ATP2B2: variants seen among roughly 807,000 people sequenced by gnomAD.
ATP2B2 encodes ATPase plasma membrane Ca2+ transporting 2, also known as plasma membrane calcium-transporting ATPase 2.
A neutral mutation model predicts 120.0 loss-of-function variants in ATP2B2; 15 were observed. The observed-to-expected ratio is 0.12, with a 90% CI of 0.08 to 0.19. ATP2B2 has a LOEUF of 0.19. ATP2B2 is among the 10% of genes least tolerant of loss of function. The pLI is 1.00. For missense variants in ATP2B2, 1,045 were observed against 1,719.8 expected (o/e 0.61, Z 6.94); for synonymous variants, 694 against 700.3 (o/e 0.99, Z 0.14).
intron 2 of ATP2B2, among the ~76,000 whole-genome samples, chr3:10,595,313 GTCT>G (rs2068741108): frequency 6.6e-6 from 1 of 152,210 alleles, no homozygotes; most frequent in Non-Finnish European, 1.5e-5. Context: ...CGGGGTGTTA[GTCT>G]TCTTAGATAT....
At chr3:10,655,095 T>G (rs960609349) in intron 1 of ATP2B2, among the ~76,000 whole-genome samples, 12 of 152,180 alleles carry the variant, frequency 7.9e-5, no homozygotes, top group Non-Finnish European at 1.5e-4. Flanking sequence ...CACATATGCC[T>G]GGCAAAACAT....
intron 2 of ATP2B2, among the ~76,000 whole-genome samples, chr3:10,585,668 G>T (rs2068494684): frequency 6.6e-6 from 1 of 151,748 alleles, no homozygotes; most frequent in Non-Finnish European, 1.5e-5. Context: ...TGGGGCCTCT[G>T]CACTCACCAT....
chr3:10,615,045 C>G (rs568452943), intron 2 of ATP2B2, among the ~76,000 whole-genome samples: 1 of 152,254 alleles, frequency 6.6e-6, no homozygotes, highest in African/African-American at 2.4e-5. Flanking sequence ...GCATTGGAGA[C>G]ATGGAAGCTG....
intron 3 of ATP2B2, among the ~76,000 whole-genome samples, chr3:10,527,114 C>G (rs993419873): frequency 2.0e-5 from 3 of 152,216 alleles, no homozygotes; most frequent in Non-Finnish European, 2.9e-5. Flanking sequence ...ACACCATGAC[C>G]TAGGTCATCT....
At chr3:10,384,212 G>A (rs1423862545) in intron 8 of ATP2B2, among the ~76,000 whole-genome samples, 3 of 152,188 alleles carry the variant, frequency 2.0e-5, no homozygotes, top group Non-Finnish European at 4.4e-5. Context: ...GGGGATGGGA[G>A]GCTGCGGGGA....
chr3:10,334,701 C>A (rs1334710369), intron 22 of ATP2B2, among the ~76,000 whole-genome samples: 2 of 152,214 alleles, frequency 1.3e-5, no homozygotes, highest in Non-Finnish European at 2.9e-5. Flanking sequence ...TTCTGTCCTG[C>A]CGCTATGGGT....
chr3:10,642,354 G>A (rs901775558), intron 1 of ATP2B2, among the ~76,000 whole-genome samples: 16 of 152,344 alleles, frequency 1.1e-4, no homozygotes, highest in Admixed American at 1.3e-4. Flanking sequence ...TGACCCAAGA[G>A]TCATTTACAG....
rs866419059 is a variant in ATP2B2 at position 10,703,142 on chromosome 3, C to T, written c.-460+4773G>A. Among the ~76,000 whole-genome samples the T allele has an allele frequency of 3.3e-5, 5 of 152,338 alleles. No homozygotes were observed. In the South Asian group the frequency reaches 8.3e-4, roughly 25 times the overall value. ...TCTCTCCCCTGGAGACAATCCTCAG[C>T]GGCTCACTCCAGCCTTTGCCCGCCC... On this transcript the variant is annotated intron_variant, in intron 1 of 21. Transcript: ENST00000646379.
chr3:10,376,842 T>C (rs2470453), intron 10 of ATP2B2, among the ~76,000 whole-genome samples: 99,065 of 144,358 alleles, frequency 0.69, 32,779 homozygotes, highest in Admixed American at 0.73. Context: ...CGGAGGAGGT[T>C]TGAGCAGAGG....
upstream of ATP2B2, among the ~76,000 whole-genome samples, chr3:10,506,812 C>T (rs1275628309): frequency 6.6e-6 from 1 of 152,220 alleles, no homozygotes; most frequent in Non-Finnish European, 1.5e-5. Context: ...CCCCTGCCCC[C>T]ACCTCCTGCC....
chr3:10,371,919 C>T lies in ATP2B2; in HGVS notation c.1549G>A (p.Gly517Ser), dbSNP rs764150216. 23 of 1,614,124 alleles carry T rather than the reference C, an allele frequency of 1.4e-5. No individual in the cohort carries two copies. Among genetic ancestry groups the T allele is most frequent in the Middle Eastern group, 1.6e-4 (1 of 6,062 alleles). Reference protein sequence around the residue: ...NRMTVVQAYVGDVHYKEIPDP... With the variant: ...NRMTVVQAYVSDVHYKEIPDP... ...GGGATCTCTTTATAGTGGACGTCGC[C>T]GACATAGGCCTGTACCACTGTCATG... Residue 517 changes from glycine to serine, a missense_variant, in exon 12 of 23, where the codon GGC becomes AGC. Gly to Ser is a moderately conservative substitution (Grantham distance 56). Around this residue, in one of 11 missense-constraint regions of ATP2B2, gnomAD observed 343 missense variants for 536.8 expected, o/e 0.64. Transcript: ENST00000360273.
At chr3:10,571,352 G>A (rs1159690089) in intron 2 of ATP2B2, among the ~76,000 whole-genome samples, 1 of 152,236 alleles carries the variant, frequency 6.6e-6, no homozygotes, top group South Asian at 2.1e-4. Flanking sequence ...CCAGGTAGGT[G>A]ACTCGTGGCC....
intron 2 of ATP2B2, among the ~76,000 whole-genome samples, chr3:10,619,224 C>A (rs988181460): frequency 2.6e-5 from 4 of 152,052 alleles, no homozygotes; most frequent in African/African-American, 7.2e-5. Context: ...TTCTCGGGGA[C>A]ACCATGATGG....
intron 2 of ATP2B2, among the ~76,000 whole-genome samples, chr3:10,446,878 T>C (rs2063854564): frequency 6.6e-6 from 1 of 152,202 alleles, no homozygotes; most frequent in Non-Finnish European, 1.5e-5. Flanking sequence ...TTGTTTCCAT[T>C]TTACAGATGA....
At chr3:10,565,563 TG>T (rs2067992325) in intron 2 of ATP2B2, among the ~76,000 whole-genome samples, 1 of 152,198 alleles carries the variant, frequency 6.6e-6, no homozygotes, top group South Asian at 2.1e-4. Flanking sequence ...ATTACATTGT[TG>T]GGCAAATTAT....
chr3:10,659,588 C>A (rs1245805791), intron 1 of ATP2B2, among the ~76,000 whole-genome samples: 1 of 152,196 alleles, frequency 6.6e-6, no homozygotes, highest in Non-Finnish European at 1.5e-5. Flanking sequence ...CACCCAGATT[C>A]ATAAAGCAAG....
chr3:10,625,197 A>G (rs2069661988), intron 1 of ATP2B2, among the ~76,000 whole-genome samples: 1 of 152,240 alleles, frequency 6.6e-6, no homozygotes, highest in East Asian at 1.9e-4. Context: ...CAGGGGAATG[A>G]ACGGTCTGTG....
intron 1 of ATP2B2, among the ~76,000 whole-genome samples, chr3:10,629,981 A>G (rs956514513): frequency 2.0e-5 from 3 of 152,182 alleles, no homozygotes; most frequent in Non-Finnish European, 2.9e-5. Flanking sequence ...TGGAGAAGCC[A>G]TCAGGACAAA....
At chr3:10,620,096 A>C (rs1291742097) in intron 1 of ATP2B2, 1 of 152,316 alleles carries the variant, frequency 6.6e-6, no homozygotes, top group South Asian at 2.1e-4. Flanking sequence ...TATAGAAACC[A>C]GAGGATTTCA....
Sources: gnomAD v4.1 joint callset for allele counts (sites outside exome capture counted in the v4.1 genomes callset) on GRCh38, gnomAD v4.1.1 for gene constraint, gnomAD v4.1.1 regional missense constraint, MANE v1.5 for transcripts, NCBI Gene and HGNC (gene_info 2026-07-23, HGNC 2026-07-21) for gene names.